Variants in PDE7B observed in about 807,000 individuals in gnomAD.
PDE7B encodes the protein 3',5'-cyclic-AMP phosphodiesterase 7B.
A neutral mutation model predicts 56.2 loss-of-function variants in PDE7B; 29 were observed. That is an observed-to-expected ratio of 0.52 (90% confidence interval 0.38 to 0.70). The LOEUF (loss-of-function observed/expected upper bound fraction) is 0.70, where lower values mean the gene tolerates loss of function less well. Ranked by LOEUF, PDE7B falls within the 30% of genes least tolerant of loss-of-function variation. PDE7B has a pLI of 0.00. For missense variants in PDE7B, 490 were observed against 565.0 expected, an observed-to-expected ratio of 0.87 and a Z score of 1.35; for synonymous variants, 197 against 196.9, an observed-to-expected ratio of 1.00 and a Z score of 0.00.
intron 1 of PDE7B, among the ~76,000 whole-genome samples, chr6:135,934,304 T>G (rs185011813): frequency 2.6e-5 from 4 of 152,330 alleles, no homozygotes; most frequent in Admixed American, 2.0e-4. Context: ...CCTGTACTAA[T>G]GAGATAGAAT....
intron 2 of PDE7B, among the ~76,000 whole-genome samples, chr6:136,057,486 G>A (rs901176850): frequency 6.6e-6 from 1 of 151,962 alleles, no homozygotes; most frequent in Non-Finnish European, 1.5e-5. Context: ...GAATGGTTTA[G>A]GGTGGAGATG....
chr6:136,004,597 T>C (rs1775741977), intron 2 of PDE7B, among the ~76,000 whole-genome samples: 1 of 151,288 alleles, frequency 6.6e-6, no homozygotes. Context: ...TGAACTCCCA[T>C]TCACAATTGC....
intron 2 of PDE7B, among the ~76,000 whole-genome samples, chr6:136,053,768 G>A (rs1776677413): frequency 6.6e-6 from 1 of 151,916 alleles, no homozygotes; most frequent in Non-Finnish European, 1.5e-5. Context: ...GTGTGAGATG[G>A]TATCTCATTG....
At position 135,855,125 on chromosome 6, in the gene PDE7B, T is replaced by C. The variant is rs1775001880; in HGVS notation, c.21+3106T>C. Among the ~76,000 whole-genome samples the C allele has an allele frequency of 3.9e-5, 6 of 152,322 alleles. No homozygotes were observed. In the South Asian group the frequency reaches 1.2e-3, roughly 32 times the overall value. On this transcript the variant is annotated intron_variant, in intron 1 of 12. Coordinates refer to ENST00000308191, the MANE Select transcript of PDE7B (RefSeq NM_018945.4). Reference sequence around the variant, plus strand: ...TCATTCTTGACCTCAGTTTCCTCAATTGTAAGAGCAACTGGTTGCGCTGGG... The same window carrying C: ...TCATTCTTGACCTCAGTTTCCTCAACTGTAAGAGCAACTGGTTGCGCTGGG...
chr6:135,872,618 A>G (rs1393224360), intron 1 of PDE7B, among the ~76,000 whole-genome samples: 2 of 152,134 alleles, frequency 1.3e-5, no homozygotes, highest in Non-Finnish European at 2.9e-5. Context: ...AAAACCCAAC[A>G]TTGTGGACCC....
chr6:136,085,029 A>G (rs1777268753), intron 2 of PDE7B, among the ~76,000 whole-genome samples: 1 of 152,062 alleles, frequency 6.6e-6, no homozygotes. Flanking sequence ...CCCCTGGGGC[A>G]TCTGCCACTT....
intron 2 of PDE7B, among the ~76,000 whole-genome samples, chr6:136,005,623 A>G (rs1219552167): frequency 1.3e-5 from 2 of 152,264 alleles, no homozygotes; most frequent in African/African-American, 2.4e-5. Context: ...TTCACTGGCC[A>G]TCAGAGAAAT....
intron 3 of PDE7B, among the ~76,000 whole-genome samples, chr6:136,140,523 T>C (rs1291438857): frequency 6.6e-6 from 1 of 152,226 alleles, no homozygotes; most frequent in Non-Finnish European, 1.5e-5. Context: ...CATTGGTAGC[T>C]TGATGGCAAT....
At chr6:135,941,057 C>A (rs1211636584) in intron 1 of PDE7B, among the ~76,000 whole-genome samples, 1 of 152,170 alleles carries the variant, frequency 6.6e-6, no homozygotes, top group Non-Finnish European at 1.5e-5. Context: ...ATATGGCAAA[C>A]TTGCAGATTC....
chr6:135,905,931 C>A (rs1342972870), intron 1 of PDE7B, among the ~76,000 whole-genome samples: 2 of 152,166 alleles, frequency 1.3e-5, no homozygotes, highest in Admixed American at 6.5e-5. Context: ...AGCTCTCCTG[C>A]CCTGTGCTGC....
intron 1 of PDE7B, among the ~76,000 whole-genome samples, chr6:135,890,836 T>C (rs1048040365): frequency 9.2e-5 from 14 of 152,184 alleles, no homozygotes; most frequent in African/African-American, 3.1e-4. Context: ...GTTGTTTTTT[T>C]TCTACCGAGG....
chr6:136,165,086 G>A (rs1778771999), intron 8 of PDE7B, among the ~76,000 whole-genome samples: 1 of 152,028 alleles, frequency 6.6e-6, no homozygotes, highest in African/African-American at 2.4e-5. Flanking sequence ...AAAATTCACT[G>A]AATGAGCAGA....
chr6:136,108,598 C>A lies in PDE7B; in HGVS notation c.83-133C>A. The A allele has an allele frequency of 8.7e-6, 6 of 692,154 alleles. No homozygotes were observed. The South Asian group carries it at 9.4e-5, about 11-fold the overall frequency. The allele number at this position is 692,154 out of a possible 1,614,324, so 42.9% of individuals were successfully genotyped here. On this transcript the variant is annotated intron_variant, in intron 2 of 12. Transcript: ENST00000308191. ...GTATTAAATATTCCTTTCCACATAG[C>A]ACTCTTCAGTATGGTGAATGGGAAC...
chr6:135,905,634 C>T (rs543130918), intron 1 of PDE7B, among the ~76,000 whole-genome samples: 1 of 152,144 alleles, frequency 6.6e-6, no homozygotes, highest in South Asian at 2.1e-4. Flanking sequence ...TGAACATGGC[C>T]GAACATCGTG....
chr6:136,014,687 G>A (rs879891847), intron 2 of PDE7B, among the ~76,000 whole-genome samples: 3 of 152,154 alleles, frequency 2.0e-5, no homozygotes, highest in Non-Finnish European at 4.4e-5. Context: ...AACCAAGGCC[G>A]GGGTAGAAAC....
At chr6:135,872,802 A>G (rs567011153) in intron 1 of PDE7B, among the ~76,000 whole-genome samples, 1 of 152,216 alleles carries the variant, frequency 6.6e-6, no homozygotes, top group African/African-American at 2.4e-5. Context: ...TTAATATATA[A>G]TAAAATGCAT....
At chr6:135,934,823 TAA>T (rs1562444973) in intron 1 of PDE7B, among the ~76,000 whole-genome samples, 3 of 75,174 alleles carry the variant, frequency 4.0e-5, no homozygotes, top group African/African-American at 9.8e-5. Flanking sequence ...TATATATATT[TAA>T]TAAATAAATA....
At chr6:136,044,816 G>T (rs1011926985) in intron 2 of PDE7B, 1 of 152,148 alleles carries the variant, frequency 6.6e-6, no homozygotes, top group Non-Finnish European at 1.5e-5. Flanking sequence ...GAGTGCAAAA[G>T]GTGTGTGTTT....
At chr6:135,957,652 G>A (rs186617862) in intron 2 of PDE7B, among the ~76,000 whole-genome samples, 36 of 152,212 alleles carry the variant, frequency 2.4e-4, no homozygotes, top group Non-Finnish European at 4.7e-4. Flanking sequence ...ATAGGTCTCT[G>A]ATTTAATTTT....
Sources: allele counts gnomAD v4.1 joint callset (sites outside exome capture counted in the v4.1 genomes callset), GRCh38; gene constraint gnomAD v4.1.1; transcripts MANE v1.5; gene names NCBI Gene and HGNC (gene_info 2026-07-23, HGNC 2026-07-21).